ABR: variants seen among roughly 807,000 people sequenced by gnomAD.
The protein encoded by ABR is active breakpoint cluster region-related protein.
ABR carries 35 observed loss-of-function variants against 107.2 expected under a neutral mutation model. That is an observed-to-expected ratio of 0.33 (90% CI 0.25 to 0.43). ABR has a LOEUF of 0.43. Among genes scored for constraint, ABR ranks in the 20% least tolerant of loss-of-function variants. The pLI, the probability that ABR is intolerant of heterozygous loss-of-function variation, is 1.00. For synonymous variants in ABR, 498 were observed against 462.0 expected (o/e 1.08, Z -1.00); for missense variants, 815 against 1,115.2 (o/e 0.73, Z 3.83).
At chr17:1,212,592 TA>T (rs1294140378) in intron 1 of ABR, among the ~76,000 whole-genome samples, 1 of 148,686 alleles carries the variant, frequency 6.7e-6, no homozygotes. Flanking sequence ...TCGTCTCTAC[TA>T]AAAATACAAA....
At chr17:1,114,877 A>G (rs955291075) in intron 2 of ABR, among the ~76,000 whole-genome samples, 7 of 152,196 alleles carry the variant, frequency 4.6e-5, no homozygotes, top group African/African-American at 1.7e-4. Flanking sequence ...TGGTTCATGC[A>G]TTCATTCAGC....
chr17:1,021,535 G>T (rs762031367), intron 16 of ABR, among the ~76,000 whole-genome samples: 1 of 152,370 alleles, frequency 6.6e-6, no homozygotes, highest in Admixed American at 6.5e-5. Context: ...GCCAGGTGCG[G>T]TGGCTCACGC....
At chr17:1,039,894 C>T (rs1213366420) in intron 16 of ABR, among the ~76,000 whole-genome samples, 1 of 152,194 alleles carries the variant, frequency 6.6e-6, no homozygotes, top group Non-Finnish European at 1.5e-5. Flanking sequence ...GGAGAGGTCA[C>T]TCCGGTGTCC....
chr17:1,194,345 G>A (rs913343596), intron 1 of ABR, among the ~76,000 whole-genome samples: 1 of 151,192 alleles, frequency 6.6e-6, no homozygotes, highest in Admixed American at 6.6e-5. Flanking sequence ...ACGCCACCAC[G>A]CCCAGCTATT....
chr17:1,060,516 C>T lies in ABR; in HGVS notation c.1183-1649G>A, dbSNP rs905869982. ...ACGTGTAGTCTAGTCTCATTGGACACGCGGGCGCACACCAGCATAAGCAAA... is the reference window on the plus strand; with the variant it reads ...ACGTGTAGTCTAGTCTCATTGGACATGCGGGCGCACACCAGCATAAGCAAA... On this transcript the variant is annotated intron_variant, in intron 10 of 22. Coordinates refer to ENST00000302538, the MANE Select transcript of ABR (RefSeq NM_021962.5). Among the ~76,000 whole-genome samples, 15 of 152,240 alleles carry T rather than the reference C, an allele frequency of 9.9e-5. No homozygotes were observed. The South Asian group carries it at 1.0e-3, about 11-fold the overall frequency.
intron 2 of ABR, among the ~76,000 whole-genome samples, chr17:1,114,511 A>G (rs1289354590): frequency 6.7e-6 from 1 of 149,494 alleles, no homozygotes; most frequent in Non-Finnish European, 1.5e-5. Flanking sequence ...AGTGGCTCAC[A>G]CCTGTAATCC....
In ABR at chr17:1,015,852, G is replaced by C. The variant is rs1007601656; in HGVS notation, c.1792-2688C>G. 3.9e-5 allele frequency among the ~76,000 whole-genome samples: 6 copies of C among 152,230 alleles called. 1 individual carries two copies. The highest frequency in any genetic ancestry group is 3.9e-4 in the East Asian group (2 of 5,178). On this transcript the variant is annotated intron_variant, in intron 16 of 22. Transcript: ENST00000302538. ...GGCGGAACATTTTTTGCTTTAGTTC[G>C]CGTATCTATAGGGTATTATTTTTTG...
chr17:1,095,118 ACT>A (rs1284394588), intron 3 of ABR, among the ~76,000 whole-genome samples: 1 of 152,142 alleles, frequency 6.6e-6, no homozygotes, highest in Non-Finnish European at 1.5e-5. Context: ...CGCAGTCCCC[ACT>A]GAGGGGGAAA....
rs1012886662 is a variant in ABR at position 1,150,580 on chromosome 17, T to C, written c.62-25213A>G. ...GGCATGGCAAGCGCACTGCCCCCTC[T>C]CACTCCTCCGGCGGCCGCCGTCCAC... is the stretch of plus-strand genomic sequence containing the variant. On this transcript the variant is annotated intron_variant, in intron 1 of 22. Transcript: ENST00000302538. This position sits in a 1 kb window ranked among gnomAD's most constrained non-coding sequence, Gnocchi z 4.8. Among the ~76,000 whole-genome samples, 2 of 152,120 alleles carry C rather than the reference T, an allele frequency of 1.3e-5. No individual in the cohort carries two copies. The highest frequency in any genetic ancestry group is 4.8e-5 in the African/African-American group (2 of 41,420).
At position 1,078,306 on chromosome 17, in the gene ABR, A is replaced by ACAATAC. The variant is rs1173551107; in HGVS notation, c.700+1018_700+1023dup. Among the ~76,000 whole-genome samples the ACAATAC allele has an allele frequency of 6.6e-6, 1 of 152,082 alleles. No homozygotes were observed. Among genetic ancestry groups the ACAATAC allele is most frequent in the Non-Finnish European group, 1.5e-5 (1 of 68,004 alleles). ...CTACTGCTGCATGTGCGCGGAGCAC[A>ACAATAC]CAATACCGTGCCGCCCAGCCTCCGC... On this transcript the variant is annotated intron_variant, in intron 6 of 22. Coordinates refer to ENST00000302538, the MANE Select transcript of ABR (RefSeq NM_021962.5). The surrounding 1 kb of genome is among the most constrained non-coding windows in gnomAD (Gnocchi z 7.5).
intron 1 of ABR, among the ~76,000 whole-genome samples, chr17:1,174,393 C>A (rs1235812085): frequency 2.6e-5 from 4 of 152,186 alleles, no homozygotes; most frequent in African/African-American, 9.7e-5. Flanking sequence ...GCCCCGAGAA[C>A]TGAACTGCTC....
chr17:1,227,191 C>T (rs2043238329), intron 1 of ABR, among the ~76,000 whole-genome samples: 1 of 152,090 alleles, frequency 6.6e-6, no homozygotes, highest in African/African-American at 2.4e-5. Flanking sequence ...ATCAAGGTGC[C>T]CTATGTGCTA....
chr17:1,123,967 T>G (rs2039471530), intron 2 of ABR, among the ~76,000 whole-genome samples: 1 of 148,434 alleles, frequency 6.7e-6, no homozygotes, highest in African/African-American at 2.5e-5. Flanking sequence ...GCCGGCCCCC[T>G]TGCCTCCCAC....
rs1006463625 is a variant in ABR, at chr17:1,012,816, A to G, written c.1852-19T>C. ...CTTTGATCTGGTTGGGGGGTGAGGC[A>G]GGTAAAGATTCCCCAGGGTGTGAGT... On this transcript the variant is annotated intron_variant, in intron 17 of 22. Transcript: ENST00000302538. 1.0e-5 allele frequency: 16 copies of G among 1,550,784 alleles called. No individual in the cohort carries two copies. The African/African-American group carries it at 1.2e-4, about 12-fold the overall frequency.
intron 1 of ABR, among the ~76,000 whole-genome samples, chr17:1,215,075 G>C (rs2042972707): frequency 6.6e-6 from 1 of 151,434 alleles, no homozygotes; most frequent in Non-Finnish European, 1.5e-5. Flanking sequence ...CAGAAATTAG[G>C]TAGGCGTGAT....
At chr17:1,223,304 A>AACACACAC (rs56226163) in intron 1 of ABR, among the ~76,000 whole-genome samples, 6,725 of 149,172 alleles carry the variant, frequency 0.045, 202 homozygotes, top group Middle Eastern at 0.075. Context: ...AATCAGTAAC[A>AACACACAC]ACACACACAC....
rs2037131210 is a variant in ABR at position 1,092,905 on chromosome 17, C to CTGCAAGCTCT, written c.346-1056_346-1055insAGAGCTTGCA. ...GAGTGCAGTGGTGCGATCTCGGCTC[C>CTGCAAGCTCT]GCCTCCCGGGTTCACGCCATTCTCC... On this transcript the variant is annotated intron_variant, in intron 3 of 22. Coordinates refer to ENST00000302538, the MANE Select transcript of ABR (RefSeq NM_021962.5). The surrounding 1 kb of genome is among the most constrained non-coding windows in gnomAD (Gnocchi z 4.6). 8.2e-5 allele frequency among the ~76,000 whole-genome samples: 4 copies of CTGCAAGCTCT among 48,922 alleles called. No homozygotes were observed. The highest frequency in any genetic ancestry group is 1.0e-3 in the South Asian group (1 of 996). The allele number at this position is 48,922 out of a possible 152,430, so 32.1% of individuals were successfully genotyped here. A position where few individuals can be genotyped will look rare whatever the true frequency, so the allele number is the denominator to read the frequency against.
chr17:1,091,620 C>G (rs1479987765), intron 4 of ABR, 45 bp downstream of exon 4: 1 of 1,585,376 alleles, frequency 6.3e-7, no homozygotes, highest in South Asian at 1.2e-5. Context: ...ACTATGGGCT[C>G]CACTGAGGCC....
rs56226163 is a variant in ABR at position 1,223,304 on chromosome 17, A to AACACACACACACACACAC, written c.838+5471_838+5488dup. 3.1e-3 allele frequency among the ~76,000 whole-genome samples: 459 copies of AACACACACACACACACAC among 149,236 alleles called. 3 individuals carry two copies. Among genetic ancestry groups the AACACACACACACACACAC allele is most frequent in the African/African-American group, 6.0e-3 (245 of 40,630 alleles). ...CTCAAACAAACAAAAAATCAGTAACAACACACACACACACACACACACAGA... is the reference window on the plus strand; with the variant it reads ...CTCAAACAAACAAAAAATCAGTAACAACACACACACACACACACACACACACACACACACACACACAGA... On this transcript the variant is annotated intron_variant, in intron 1 of 22. Coordinates refer to the ABR transcript ENST00000574139.
Sources: allele counts gnomAD v4.1 joint callset (sites outside exome capture counted in the v4.1 genomes callset), GRCh38; gene constraint gnomAD v4.1.1; non-coding constraint Gnocchi (gnomAD v3.1); transcripts MANE v1.5; gene names NCBI Gene and HGNC (gene_info 2026-07-23, HGNC 2026-07-21).